PTCHD1: variants seen among roughly 807,000 people sequenced by gnomAD.
PTCHD1 encodes patched domain containing 1.
Under a neutral mutation model 34.6 loss-of-function variants are expected in PTCHD1, and 3 were observed. The ratio of observed to expected loss-of-function variants is 0.09; its 90% CI spans 0.04 to 0.22. PTCHD1 has a LOEUF of 0.22. Among genes scored for constraint, PTCHD1 ranks in the 10% least tolerant of loss-of-function variants. PTCHD1 has a pLI of 1.00. For synonymous variants in PTCHD1, 305 were observed against 283.1 expected, an observed-to-expected ratio of 1.08 and a Z score of -0.77; for missense variants, 504 against 685.5, an observed-to-expected ratio of 0.74 and a Z score of 2.96.
chrX:23,393,877 G>A lies in PTCHD1; in HGVS notation c.2359G>A (p.Val787Ile), dbSNP rs773985401. 1.7e-6 allele frequency: 2 copies of A among 1,211,563 alleles called. No homozygotes were observed. Among genetic ancestry groups the A allele is most frequent in the Non-Finnish European group, 2.2e-6 (2 of 895,399 alleles). ...CAAGGATTTCACAAGAACTAAATGGGTAAAAAATGCCCTGGAAGTGCATGG... is the reference window on the plus strand; with the variant it reads ...CAAGGATTTCACAAGAACTAAATGGATAAAAAATGCCCTGGAAGTGCATGG... ...LGKDFTRTKW[V>I]KNALEVHGVA... The change falls in exon 3 of 3, where the codon GTA becomes ATA. Residue 787 changes from valine to isoleucine, a missense_variant. Val to Ile is a conservative substitution (Grantham distance 29, BLOSUM62 3). Transcript: ENST00000379361.
At chrX:23,389,758 C>T (rs1168613595) in intron 2 of PTCHD1, among the ~76,000 whole-genome samples, 1 of 111,484 alleles carries the variant, frequency 9.0e-6, no homozygotes, top group Non-Finnish European at 1.9e-5. Context: ...TCCAAAAGCC[C>T]CTCAGAAGAA....
intron 1 of PTCHD1, among the ~76,000 whole-genome samples, chrX:23,360,449 G>A (rs1057505422): frequency 2.7e-5 from 3 of 112,092 alleles, no homozygotes; most frequent in Non-Finnish European, 3.8e-5. Context: ...GATGTTTATA[G>A]TATTCTCTGA....
chrX:23,381,528 G>A lies in PTCHD1; in HGVS notation c.1012+1277G>A, dbSNP rs1196245278. On this transcript the variant is annotated intron_variant, in intron 2 of 2. Coordinates refer to ENST00000379361, the MANE Select transcript of PTCHD1 (RefSeq NM_173495.3). ...GTGCCTTATGCCCTGTTTTAGAGTAGTGGAAGAGAATTTCCTCAGGAAATC... is the reference window on the plus strand; with the variant it reads ...GTGCCTTATGCCCTGTTTTAGAGTAATGGAAGAGAATTTCCTCAGGAAATC... 2.7e-5 allele frequency among the ~76,000 whole-genome samples: 3 copies of A among 112,363 alleles called. No individual in the cohort carries two copies. In the East Asian group the frequency reaches 8.3e-4, roughly 31 times the overall value.
chrX:23,343,045 T>G (rs1015982691), intron 1 of PTCHD1, among the ~76,000 whole-genome samples: 1 of 112,390 alleles, frequency 8.9e-6, no homozygotes, highest in African/African-American at 3.2e-5. Context: ...TAATGTGGAG[T>G]TTGCAGCAGG....
chrX:23,351,007 C>A, intron 1 of PTCHD1: 2 of 298,803 alleles, frequency 6.7e-6, no homozygotes, highest in Non-Finnish European at 1.2e-5. Flanking sequence ...TCATGGGAAT[C>A]CAGTAGGCTC....
In PTCHD1 at chrX:23,366,794, G is replaced by A. The variant is rs147455294; in HGVS notation, c.352-12797G>A. Among the ~76,000 whole-genome samples the A allele has an allele frequency of 3.6e-5, 4 of 111,260 alleles. No homozygotes were observed. The East Asian group carries it at 1.1e-3, about 31-fold the overall frequency. On this transcript the variant is annotated intron_variant, in intron 1 of 2. Coordinates refer to ENST00000379361, the MANE Select transcript of PTCHD1 (RefSeq NM_173495.3). ...TGTTTGTCTTGCTCACATGGCTTCA[G>A]GTAAGATTTACTAATAGTAACTAAT...
intron 1 of PTCHD1, among the ~76,000 whole-genome samples, chrX:23,348,655 A>G (rs1921544134): frequency 9.0e-6 from 1 of 111,701 alleles, no homozygotes; most frequent in Non-Finnish European, 1.9e-5. Context: ...TTAAAGGGTT[A>G]AAATGAAAAA....
At chrX:23,383,756 G>A (rs1043035405) in intron 2 of PTCHD1, among the ~76,000 whole-genome samples, 8 of 112,006 alleles carry the variant, frequency 7.1e-5, no homozygotes, top group Non-Finnish European at 1.9e-5. Context: ...GGTCTACAGC[G>A]TTATAAATGT....
At chrX:23,360,090 G>A (rs1197002026) in intron 1 of PTCHD1, among the ~76,000 whole-genome samples, 3 of 111,849 alleles carry the variant, frequency 2.7e-5, no homozygotes, top group African/African-American at 9.8e-5. Context: ...TGTTCATCAG[G>A]GATATTTACC....
chrX:23,357,498 C>T (rs1921839416), intron 1 of PTCHD1, among the ~76,000 whole-genome samples: 1 of 110,736 alleles, frequency 9.0e-6, no homozygotes, highest in Non-Finnish European at 1.9e-5. Context: ...ACTCTGTGAT[C>T]CCAAAATTCC....
chrX:23,381,955 T>A (rs1922574654), intron 2 of PTCHD1, among the ~76,000 whole-genome samples: 1 of 112,020 alleles, frequency 8.9e-6, no homozygotes, highest in Non-Finnish European at 1.9e-5. Flanking sequence ...GTTTTGCTCA[T>A]GATTAGTCAC....
In PTCHD1 at chrX:23,398,022, A is replaced by C. The variant is rs766140674; in HGVS notation, c.*3837A>C. 5 of 111,868 alleles carry C rather than the reference A, an allele frequency of 4.5e-5. No homozygotes were observed. Among genetic ancestry groups the C allele is most frequent in the Admixed American group, 9.5e-5 (1 of 10,529 alleles). 9.2% of individuals were successfully genotyped at this position (111,868 alleles called of 1,213,427 possible). ...ATTCAGCAAATACTTATCGAGTGCC[A>C]AATATCGCCCAGATACTGTTCGAGA... On this transcript the variant is annotated 3_prime_UTR_variant, in exon 3 of 3. Coordinates refer to ENST00000379361, the MANE Select transcript of PTCHD1 (RefSeq NM_173495.3).
chrX:23,387,460 G>C (rs1922712218), intron 2 of PTCHD1, among the ~76,000 whole-genome samples: 1 of 111,843 alleles, frequency 8.9e-6, no homozygotes, highest in Non-Finnish European at 1.9e-5. Context: ...TCCAAAGTCT[G>C]AGAGTTAACA....
At position 23,381,775 on chromosome X, in the gene PTCHD1, G is replaced by T. The variant is rs189474357; in HGVS notation, c.1012+1524G>T. Among the ~76,000 whole-genome samples, 10 of 111,898 alleles carry T rather than the reference G, an allele frequency of 8.9e-5. No homozygotes were observed. The Admixed American group carries it at 9.5e-4, about 11-fold the overall frequency. ...GAAAACAACAGAGAAGAAGGCTGCC[G>T]TACCTCCTCCTGAATTCGGTCTATT... On this transcript the variant is annotated intron_variant, in intron 2 of 2. Coordinates refer to ENST00000379361, the MANE Select transcript of PTCHD1 (RefSeq NM_173495.3).
At chrX:23,360,222 G>GTA (rs2146625395) in intron 1 of PTCHD1, among the ~76,000 whole-genome samples, 1 of 111,860 alleles carries the variant, frequency 8.9e-6, no homozygotes, top group African/African-American at 3.2e-5. Flanking sequence ...AGAAGGAATG[G>GTA]TACCAGCTCT....
At chrX:23,383,005 G>A (rs1341230052) in intron 2 of PTCHD1, among the ~76,000 whole-genome samples, 1 of 112,108 alleles carries the variant, frequency 8.9e-6, no homozygotes, top group Non-Finnish European at 1.9e-5. Context: ...CTTCATAAAT[G>A]TTGCATTCAA....
Position 23,395,546 on chromosome X carries a change from A to G in PTCHD1, c.*1361A>G, listed in dbSNP as rs1490811793. The G allele has an allele frequency of 9.0e-6, 1 of 111,573 alleles. No homozygotes were observed. The highest frequency in any genetic ancestry group is 9.5e-5 in the Admixed American group (1 of 10,477). 9.2% of individuals were successfully genotyped at this position (111,573 alleles called of 1,213,427 possible). ...TTTTTTGATGTCCTTCTGCGTCATC[A>G]TAGCAAGGCCCTTCTGTAAATTAAC... is the stretch of plus-strand genomic sequence containing the variant. On this transcript the variant is annotated 3_prime_UTR_variant, in exon 3 of 3. Coordinates refer to ENST00000379361, the MANE Select transcript of PTCHD1 (RefSeq NM_173495.3).
Position 23,393,659 on chromosome X carries a change from C to T in PTCHD1, c.2141C>T (p.Ser714Leu). The change falls in exon 3 of 3, where the codon TCG (serine) becomes TTG (leucine). Residue 714 changes from serine (S) to leucine (L), a missense_variant. Physicochemically the swap from Ser to Leu is moderately radical, Grantham distance 145 (BLOSUM62 -2). Coordinates refer to ENST00000379361, the MANE Select transcript of PTCHD1 (RefSeq NM_173495.3). ...CISALFLLFF[S>L]AFLVADSLIN... is the part of the protein sequence containing the mutation. The stretch of plus-strand genomic sequence containing the variant: ...AGTGCTTTGTTCCTGCTCTTCTTCT[C>T]GGCATTCCTGGTGGCAGATTCACTG... The T allele has an allele frequency of 1.7e-6, 2 of 1,211,940 alleles. No homozygotes were observed. The highest frequency in any genetic ancestry group is 1.7e-5 in the African/African-American group (1 of 57,843).
intron 1 of PTCHD1, among the ~76,000 whole-genome samples, chrX:23,367,962 A>G (rs1184533513): frequency 2.7e-5 from 3 of 110,690 alleles, no homozygotes; most frequent in East Asian, 5.7e-4. Flanking sequence ...TTCCTGTGAA[A>G]TTAACACTGC....
Sources: allele counts gnomAD v4.1 joint callset (sites outside exome capture counted in the v4.1 genomes callset), GRCh38; gene constraint gnomAD v4.1.1; transcripts MANE v1.5; gene names NCBI Gene and HGNC (gene_info 2026-07-23, HGNC 2026-07-21).